The following FRYL variants were observed in gnomAD, a reference collection of about 807,000 sequenced individuals.
The protein encoded by FRYL is FRY like transcription coactivator, also known as protein furry homolog-like.
Under a neutral mutation model 351.2 loss-of-function variants are expected in FRYL, and 150 were observed. That is an observed-to-expected ratio of 0.43 (90% CI 0.37 to 0.49). FRYL has a LOEUF of 0.49. Ranked by LOEUF, FRYL falls within the 20% of genes least tolerant of loss-of-function variation. FRYL has a pLI of 0.00. For synonymous variants in FRYL, 1,153 were observed against 1,257.1 expected (o/e 0.92, Z 1.75); for missense variants, 3,036 against 3,619.3 (o/e 0.84, Z 4.13).
rs148160467 is a variant in FRYL at position 48,700,214 on chromosome 4, AT to A, written c.-204+10304del. On this transcript the variant is annotated intron_variant, in intron 2 of 63. Coordinates refer to ENST00000358350, the MANE Select transcript of FRYL (RefSeq NM_015030.2). ...TGCAGTTATTACAGAAAAACAAAAG[AT>A]TTTTTTTTAATATATCAGGCTTCTG... 5.0e-3 allele frequency among the ~76,000 whole-genome samples: 753 copies of A among 151,800 alleles called. 4 individuals are homozygous for A. Among genetic ancestry groups the A allele is most frequent in the African/African-American group, 0.016 (665 of 41,380 alleles).
intron 4 of FRYL, among the ~76,000 whole-genome samples, chr4:48,627,897 A>C (rs545343881): frequency 6.6e-6 from 1 of 152,166 alleles, no homozygotes; most frequent in East Asian, 1.9e-4. Context: ...TCACCTCCCC[A>C]GCAGCTGGGA....
chr4:48,717,470 T>C (rs754878880), intron 1 of FRYL, among the ~76,000 whole-genome samples: 1 of 151,288 alleles, frequency 6.6e-6, no homozygotes, highest in Non-Finnish European at 1.5e-5. Flanking sequence ...TTTCAGAGGG[T>C]GATGAAAATG....
Position 48,581,488 on chromosome 4 carries a change from T to C in FRYL, c.2104A>G (p.Thr702Ala). 3.1e-6 allele frequency: 5 copies of C among 1,614,112 alleles called. No individual in the cohort carries two copies. Among genetic ancestry groups the C allele is most frequent in the Non-Finnish European group, 4.2e-6 (5 of 1,179,958 alleles). The change falls in exon 21 of 64, where the codon ACT becomes GCT. Residue 702 changes from threonine (T) to alanine (A), a missense_variant. Around this residue, in one of 7 missense-constraint regions of FRYL, gnomAD observed 492 missense variants for 551.5 expected, o/e 0.89. Transcript: ENST00000358350. ...LVILCSSRPATRRLAVSVLRE... is the reference protein window; with the variant it reads ...LVILCSSRPAARRLAVSVLRE... ...AGGACACTGACGGCTAGTCTCCTAG[T>C]GGCAGGTCGACTGCTACAGAGAATG...
Position 48,548,797 on chromosome 4 carries a change from T to A in FRYL, c.4785-4A>T. The A allele has an allele frequency of 6.5e-7, 1 of 1,545,278 alleles. No homozygotes were observed. The highest frequency in any genetic ancestry group is 2.3e-5 in the East Asian group (1 of 44,200). On this transcript the variant is annotated splice_region_variant and splice_polypyrimidine_tract_variant and intron_variant, in intron 39 of 63. Transcript: ENST00000358350. ...AAGGATCACTGCTATGTTACACCTA[T>A]GACAAATAAGAGTTTCATTAACGTT...
At chr4:48,660,613 A>C (rs1406625276) in intron 3 of FRYL, among the ~76,000 whole-genome samples, 1 of 152,210 alleles carries the variant, frequency 6.6e-6, no homozygotes, top group African/African-American at 2.4e-5. Flanking sequence ...GTGATAGTTC[A>C]TTCCTAGGGA....
intron 16 of FRYL, among the ~76,000 whole-genome samples, chr4:48,592,674 T>G (rs1743678350): frequency 1.3e-5 from 2 of 152,160 alleles, no homozygotes; most frequent in Admixed American, 6.5e-5. Flanking sequence ...AATAAGAGCT[T>G]TATTTTTTTC....
At chr4:48,779,962 G>A (rs1463453599) in intron 1 of FRYL, 116 bp downstream of exon 1, 3 of 152,000 alleles carry the variant, frequency 2.0e-5, no homozygotes, top group African/African-American at 7.2e-5. Context: ...CAGCTGGCGA[G>A]GGCCGACGAC....
rs1257854116 is a variant in FRYL, at chr4:48,776,152, CT to C, written c.-384+3925del. ...CAGTGTTATGTGACACTTTTCGTTT[CT>C]TTTTTTTTTTTTTAAATAGAGTCAG... On this transcript the variant is annotated intron_variant, in intron 1 of 63. Coordinates refer to ENST00000358350, the MANE Select transcript of FRYL (RefSeq NM_015030.2). Among the ~76,000 whole-genome samples, 297 of 140,560 alleles carry C rather than the reference CT, an allele frequency of 2.1e-3. 1 individual carries two copies. Among genetic ancestry groups the C allele is most frequent in the Non-Finnish European group, 2.4e-3 (152 of 64,172 alleles). The allele number at this position is 140,560 out of a possible 152,430, so 92.2% of individuals were successfully genotyped here. A position where few individuals can be genotyped will look rare whatever the true frequency, so the allele number is the denominator to read the frequency against.
At chr4:48,562,185 G>T (rs1735669493) in intron 32 of FRYL, among the ~76,000 whole-genome samples, 1 of 151,876 alleles carries the variant, frequency 6.6e-6, no homozygotes, top group Admixed American at 6.6e-5. Context: ...ACAAAAATAT[G>T]GTAGTACAAT....
chr4:48,502,108 C>A (rs1007657169), intron 61 of FRYL, among the ~76,000 whole-genome samples: 1 of 151,264 alleles, frequency 6.6e-6, no homozygotes, highest in African/African-American at 2.4e-5. Context: ...GATCTCACTG[C>A]ATTTATCAAC....
At chr4:48,725,073 AAG>A (rs1769931603) in intron 1 of FRYL, among the ~76,000 whole-genome samples, 2 of 152,264 alleles carry the variant, frequency 1.3e-5, no homozygotes, top group Admixed American at 6.5e-5. Flanking sequence ...ATCAATATAA[AAG>A]AGAAAATTCA....
At position 48,576,228 on chromosome 4, in the gene FRYL, GA is replaced by G. The variant is rs200906045; in HGVS notation, c.2529-7del. On this transcript the variant is annotated splice_polypyrimidine_tract_variant and splice_region_variant and intron_variant, in intron 23 of 63. Transcript: ENST00000358350. ...TCTTAGCATTGATGGGGCTACTAAG[GA>G]AAAAAAAAGAAAAATAGGCAGATAT... is the stretch of plus-strand genomic sequence containing the variant. The G allele has an allele frequency of 7.5e-5, 112 of 1,495,630 alleles. No individual in the cohort carries two copies. The highest frequency in any genetic ancestry group is 3.9e-4 in the Middle Eastern group (2 of 5,164). 92.6% of individuals were successfully genotyped at this position (1,495,630 alleles called of 1,614,324 possible).
intron 2 of FRYL, among the ~76,000 whole-genome samples, chr4:48,687,272 G>A (rs1199600795): frequency 1.3e-5 from 2 of 151,994 alleles, no homozygotes; most frequent in African/African-American, 4.8e-5. Flanking sequence ...AACCATTGCT[G>A]TTCTTTCTTA....
intron 1 of FRYL, among the ~76,000 whole-genome samples, chr4:48,747,107 GAGA>G (rs1772764882): frequency 6.6e-6 from 1 of 152,130 alleles, no homozygotes; most frequent in African/African-American, 2.4e-5. Context: ...AGATTGGGGA[GAGA>G]AGATTAGTCA....
At chr4:48,645,209 C>G (rs1756226636) in intron 3 of FRYL, among the ~76,000 whole-genome samples, 1 of 144,344 alleles carries the variant, frequency 6.9e-6, no homozygotes, top group African/African-American at 2.5e-5. Flanking sequence ...AGGTAAGGTA[C>G]AGGGAAATGA....
intron 4 of FRYL, among the ~76,000 whole-genome samples, chr4:48,632,989 C>T (rs1206122925): frequency 2.0e-5 from 3 of 152,208 alleles, no homozygotes; most frequent in African/African-American, 4.8e-5. Flanking sequence ...CTCAGTGCGC[C>T]GTCACAAACC....
rs1253594952 is a variant in FRYL, at chr4:48,590,690, T to C, written c.1476A>G (p.Lys492=). Residue 492 remains lysine, a synonymous_variant, in exon 17 of 64, where the codon AAA becomes AAG. Coordinates refer to ENST00000358350, the MANE Select transcript of FRYL (RefSeq NM_015030.2). ...CTTTTGCTTCTTCATCTGTCAAGGT[T>C]TTATTGAGAAATATTTTCTTTACAC... is the stretch of plus-strand genomic sequence containing the variant. ...TLRVKKIFLN[K]TLTDEEAKVI... 6.2e-7 allele frequency: 1 copy of C among 1,611,744 alleles called. No individual in the cohort carries two copies. Among genetic ancestry groups the C allele is most frequent in the South Asian group, 1.1e-5 (1 of 90,612 alleles).
intron 2 of FRYL, among the ~76,000 whole-genome samples, chr4:48,704,308 A>G (rs1394201982): frequency 6.6e-6 from 1 of 152,216 alleles, no homozygotes; most frequent in Non-Finnish European, 1.5e-5. Flanking sequence ...TTAGCCATAT[A>G]AAAAGATATT....
chr4:48,760,984 G>A lies in FRYL; in HGVS notation c.-384+19094C>T, dbSNP rs567064055. Among the ~76,000 whole-genome samples the A allele has an allele frequency of 1.8e-3, 269 of 145,906 alleles. 4 individuals are homozygous for A. The highest frequency in any genetic ancestry group is 3.2e-3 in the Non-Finnish European group (213 of 66,520). The stretch of plus-strand genomic sequence containing the variant: ...TGAGCCACCGCCCCCGGCCACCCTC[G>A]CTACTCTCTATTATTACTCTGTCTG... On this transcript the variant is annotated intron_variant, in intron 1 of 63. Coordinates refer to ENST00000358350, the MANE Select transcript of FRYL (RefSeq NM_015030.2).
Sources: allele counts gnomAD v4.1 joint callset (sites outside exome capture counted in the v4.1 genomes callset), GRCh38; gene constraint gnomAD v4.1.1; regional missense constraint gnomAD v4.1.1; transcripts MANE v1.5; gene names NCBI Gene and HGNC (gene_info 2026-07-23, HGNC 2026-07-21).